Variants in PKNOX2 observed in about 807,000 individuals in gnomAD.
PKNOX2 encodes the protein homeobox protein PKNOX2.
A neutral mutation model predicts 53.1 loss-of-function variants in PKNOX2; 14 were observed. That is an observed-to-expected ratio of 0.26 (90% CI 0.17 to 0.41). The LOEUF (loss-of-function observed/expected upper bound fraction) is 0.41. Ranked by LOEUF, PKNOX2 falls within the 10% of genes least tolerant of loss-of-function variation. PKNOX2 has a pLI of 1.00. For synonymous variants in PKNOX2, 257 were observed against 242.8 expected, an observed-to-expected ratio of 1.06 and a Z score of -0.54; for missense variants, 496 against 602.8, an observed-to-expected ratio of 0.82 and a Z score of 1.85.
intron 7 of PKNOX2, 158 bp from the exon 8 acceptor site, chr11:125,410,038 G>T: frequency 1.0e-6 from 1 of 974,218 alleles, no homozygotes; most frequent in Non-Finnish European, 1.5e-6. Flanking sequence ...ACCCTTTCTA[G>T]GAAACCAAGA....
At chr11:125,274,620 C>T (rs958486760) in intron 2 of PKNOX2, among the ~76,000 whole-genome samples, 4 of 152,336 alleles carry the variant, frequency 2.6e-5, no homozygotes, top group South Asian at 2.1e-4. Context: ...TGGAACATGT[C>T]GGCTGCAGCT....
chr11:125,264,884 G>A (rs957276856), intron 2 of PKNOX2, among the ~76,000 whole-genome samples: 5 of 152,160 alleles, frequency 3.3e-5, no homozygotes, highest in African/African-American at 7.2e-5. Flanking sequence ...TGTGAAATGG[G>A]AGGACTGCTC....
At chr11:125,312,987 G>A (rs1591523662) in intron 2 of PKNOX2, among the ~76,000 whole-genome samples, 1 of 152,220 alleles carries the variant, frequency 6.6e-6, no homozygotes, top group Non-Finnish European at 1.5e-5. Flanking sequence ...AAAGGCAGGG[G>A]GGAGGCTGCA....
chr11:125,189,165 G>A (rs1370311871), intron 1 of PKNOX2, among the ~76,000 whole-genome samples: 1 of 151,476 alleles, frequency 6.6e-6, no homozygotes, highest in Non-Finnish European at 1.5e-5. Flanking sequence ...GGTGAATTAA[G>A]TTCCCTGCTT....
At chr11:125,382,936 T>C (rs935569578) in intron 5 of PKNOX2, among the ~76,000 whole-genome samples, 1 of 152,124 alleles carries the variant, frequency 6.6e-6, no homozygotes, top group African/African-American at 2.4e-5. Context: ...ATATTGACCC[T>C]TTTTTTCTGC....
intron 1 of PKNOX2, among the ~76,000 whole-genome samples, chr11:125,200,008 C>T (rs1179828016): frequency 1.3e-5 from 2 of 152,222 alleles, no homozygotes; most frequent in Non-Finnish European, 2.9e-5. Flanking sequence ...GAAGCTTGGG[C>T]AGGTGTCTCC....
At chr11:125,424,589 TGCTGATGGCAGGAAACCTAATGGAAGCTC>T (rs1375099533) in intron 10 of PKNOX2, among the ~76,000 whole-genome samples, 2 of 152,166 alleles carry the variant, frequency 1.3e-5, no homozygotes, top group Admixed American at 6.5e-5. Context: ...GGTGCAGCGC[TGCTGATGGCAGGAAACCTAATGGAAGCTC>T]GCTGATCTGA....
intron 5 of PKNOX2, among the ~76,000 whole-genome samples, chr11:125,373,861 G>A (rs755656109): frequency 2.6e-5 from 4 of 152,296 alleles, no homozygotes; most frequent in African/African-American, 4.8e-5. Flanking sequence ...GGATTTGACC[G>A]CAGAGCTTCA....
chr11:125,406,501 T>C (rs937079547), intron 7 of PKNOX2, among the ~76,000 whole-genome samples: 3 of 152,162 alleles, frequency 2.0e-5, no homozygotes, highest in African/African-American at 7.2e-5. Flanking sequence ...AAATCCCAAC[T>C]GTACGACTCC....
intron 3 of PKNOX2, among the ~76,000 whole-genome samples, chr11:125,338,004 C>G (rs867868833): frequency 6.6e-6 from 1 of 152,166 alleles, no homozygotes; most frequent in Non-Finnish European, 1.5e-5. Flanking sequence ...GGAGAAGAAG[C>G]GTTCATTTCC....
At chr11:125,385,450 A>C (rs1953558253) in intron 5 of PKNOX2, 101 bp from the exon 6 acceptor site, 1 of 1,324,560 alleles carries the variant, frequency 7.5e-7, no homozygotes, top group Admixed American at 2.5e-5. Context: ...ACCTTGGGAG[A>C]AGTGAGGGGA....
chr11:125,192,403 A>G (rs1468108369), intron 1 of PKNOX2, among the ~76,000 whole-genome samples: 1 of 152,158 alleles, frequency 6.6e-6, no homozygotes, highest in Non-Finnish European at 1.5e-5. Flanking sequence ...CAGGCACTGC[A>G]ATTGTTTCCT....
intron 1 of PKNOX2, among the ~76,000 whole-genome samples, chr11:125,178,442 C>T (rs1324314446): frequency 2.7e-5 from 4 of 149,230 alleles, no homozygotes; most frequent in East Asian, 2.0e-4. Flanking sequence ...ACCCGGGAGG[C>T]GGAGGTTGCG....
At chr11:125,223,560 C>T (rs1417902136) in intron 1 of PKNOX2, among the ~76,000 whole-genome samples, 4 of 152,152 alleles carry the variant, frequency 2.6e-5, no homozygotes, top group Non-Finnish European at 4.4e-5. Flanking sequence ...AGCTGAGGCT[C>T]AAGGTACCAG....
chr11:125,255,354 T>C (rs1471773017), intron 2 of PKNOX2, among the ~76,000 whole-genome samples: 3 of 152,156 alleles, frequency 2.0e-5, no homozygotes, highest in African/African-American at 7.2e-5. Flanking sequence ...GCTCATATCA[T>C]GAGGTTGGGC....
chr11:125,224,005 A>T (rs1189328306), intron 1 of PKNOX2, among the ~76,000 whole-genome samples: 1 of 152,254 alleles, frequency 6.6e-6, no homozygotes, highest in East Asian at 1.9e-4. Context: ...GATCTTGCAC[A>T]TGAGTCTTGA....
At chr11:125,363,458 G>A (rs542669851) in intron 4 of PKNOX2, among the ~76,000 whole-genome samples, 176 of 152,310 alleles carry the variant, frequency 1.2e-3, no homozygotes, top group Non-Finnish European at 2.1e-3. Context: ...TCAAACCCAG[G>A]GCCGGATCCT....
chr11:125,279,233 T>C (rs1946385991), intron 2 of PKNOX2, among the ~76,000 whole-genome samples: 1 of 152,098 alleles, frequency 6.6e-6, no homozygotes, highest in Non-Finnish European at 1.5e-5. Flanking sequence ...GTGAGCAAGG[T>C]TGTGCCTGGA....
At chr11:125,290,368 G>A (rs950683542) in intron 2 of PKNOX2, among the ~76,000 whole-genome samples, 1 of 152,146 alleles carries the variant, frequency 6.6e-6, no homozygotes, top group Admixed American at 6.5e-5. Flanking sequence ...CACACTTTTT[G>A]TTTATTTCTG....
Sources: allele counts gnomAD v4.1 joint callset (sites outside exome capture counted in the v4.1 genomes callset), GRCh38; gene constraint gnomAD v4.1.1; transcripts MANE v1.5; gene names NCBI Gene and HGNC (gene_info 2026-07-23, HGNC 2026-07-21).